The following ZNF705G variants were observed in gnomAD, a reference collection of about 807,000 sequenced individuals.
The protein encoded by ZNF705G is putative zinc finger protein 705G.
In ZNF705G, 23 loss-of-function variants were observed where a neutral mutation model predicts 19.6. The observed-to-expected ratio is 1.17, with a 90% CI of 0.84 to 1.66. The LOEUF (loss-of-function observed/expected upper bound fraction) is 1.66. ZNF705G is among the 40% of genes most tolerant of loss of function. ZNF705G has a pLI of 0.00. For missense variants in ZNF705G, 457 were observed against 354.4 expected (o/e 1.29, Z -2.32); for synonymous variants, 146 against 117.7 (o/e 1.24, Z -1.56).
chr8:7,361,975 G>A (rs1159743393), intron 3 of ZNF705G, among the ~76,000 whole-genome samples: 14 of 149,752 alleles, frequency 9.3e-5, no homozygotes, highest in Middle Eastern at 3.4e-3. Context: ...CGCTGAGGCT[G>A]CTATACTGAG....
intron 2 of ZNF705G, among the ~76,000 whole-genome samples, chr8:7,363,893 C>T (rs1806721977): frequency 6.7e-6 from 1 of 149,418 alleles, no homozygotes; most frequent in Non-Finnish European, 1.5e-5. Context: ...TCAACACTCC[C>T]ATCCTGCTAA....
At chr8:7,361,263 A>C in intron 3 of ZNF705G, 27 bp from the exon 4 acceptor site, 1 of 1,592,616 alleles carries the variant, frequency 6.3e-7, no homozygotes. Flanking sequence ...ATTTTAGTTT[A>C]GACAGAGAAA....
intron 2 of ZNF705G, among the ~76,000 whole-genome samples, chr8:7,365,649 C>G (rs763459454): frequency 1.3e-5 from 2 of 149,386 alleles, no homozygotes; most frequent in Non-Finnish European, 2.9e-5. Flanking sequence ...GGATTACAGG[C>G]GTGAGCCACC....
At chr8:7,379,035 G>A (rs1807368640) in intron 2 of ZNF705G, among the ~76,000 whole-genome samples, 1 of 150,516 alleles carries the variant, frequency 6.6e-6, no homozygotes, top group Non-Finnish European at 1.5e-5. Context: ...TGTGTGAAGA[G>A]ATTCTCATTC....
At position 7,364,861 on chromosome 8, in the gene ZNF705G, G is replaced by A. The variant is rs1010846333; in HGVS notation, c.-71-1844C>T. On this transcript the variant is annotated intron_variant, in intron 2 of 6. Coordinates refer to ENST00000400156, the MANE Select transcript of ZNF705G (RefSeq NM_001164457.3). ...ATGTATTATGTAGTCTATAATTCAAGCAGAACAGCTATTCCTTCAAAAAAA... is the reference window on the plus strand; with the variant it reads ...ATGTATTATGTAGTCTATAATTCAAACAGAACAGCTATTCCTTCAAAAAAA... Among the ~76,000 whole-genome samples, 4 of 149,440 alleles carry A rather than the reference G, an allele frequency of 2.7e-5. 1 individual carries two copies. Among genetic ancestry groups the A allele is most frequent in the African/African-American group, 1.0e-4 (4 of 38,870 alleles).
rs1806338375 is a variant in ZNF705G at position 7,357,703 on chromosome 8, G to C, written c.*273C>G. On this transcript the variant is annotated 3_prime_UTR_variant, in exon 7 of 7. Transcript: ENST00000400156. ...TGTGGACTGAAGAATAAAGGTAACT[G>C]AAGTATCTTCCATGTTGATTACAGT... The C allele has an allele frequency of 3.4e-6, 2 of 591,754 alleles. No homozygotes were observed. Among genetic ancestry groups the C allele is most frequent in the South Asian group, 4.4e-5 (2 of 45,214 alleles). 36.7% of individuals were successfully genotyped at this position (591,754 alleles called of 1,614,324 possible). A position where few individuals can be genotyped will look rare whatever the true frequency, so the allele number is the denominator to read the frequency against.
At chr8:7,363,532 G>A (rs1223217601) in intron 2 of ZNF705G, among the ~76,000 whole-genome samples, 1 of 149,758 alleles carries the variant, frequency 6.7e-6, no homozygotes, top group Non-Finnish European at 1.5e-5. Flanking sequence ...GTAAGAATCT[G>A]TTTTAGGGTG....
At chr8:7,363,364 A>G (rs1442544539) in intron 2 of ZNF705G, among the ~76,000 whole-genome samples, 2 of 148,196 alleles carry the variant, frequency 1.3e-5, no homozygotes, top group Non-Finnish European at 2.9e-5. Flanking sequence ...ATTTCCACCT[A>G]TAGATAAACA....
chr8:7,361,511 C>T (rs2128836871), intron 3 of ZNF705G, among the ~76,000 whole-genome samples: 1 of 149,722 alleles, frequency 6.7e-6, no homozygotes, highest in African/African-American at 2.6e-5. Context: ...TGTTAATCAC[C>T]TCTACATAAC....
intron 1 of ZNF705G, among the ~76,000 whole-genome samples, chr8:7,382,924 T>G (rs1399419514): frequency 6.8e-6 from 1 of 147,346 alleles, no homozygotes; most frequent in Non-Finnish European, 1.5e-5. Context: ...TAGGTAGTTT[T>G]GTATTCCTAG....
intron 2 of ZNF705G, among the ~76,000 whole-genome samples, chr8:7,368,993 T>C (rs920097858): frequency 6.7e-6 from 1 of 149,620 alleles, no homozygotes; most frequent in African/African-American, 2.6e-5. Flanking sequence ...GGACTTACAG[T>C]TCCACATGGC....
intron 3 of ZNF705G, 117 bp downstream of exon 3, chr8:7,362,818 T>G (rs960640492): frequency 2.5e-6 from 4 of 1,585,428 alleles, no homozygotes; most frequent in Non-Finnish European, 3.4e-6. Flanking sequence ...TTTTACATCA[T>G]AAAAACAAAC....
rs761613057 is a variant in ZNF705G at position 7,358,334 on chromosome 8, G to C, written c.545C>G (p.Thr182Ser). The C allele has an allele frequency of 2.2e-5, 35 of 1,607,634 alleles. No individual in the cohort carries two copies. In the East Asian group the frequency reaches 7.4e-4, roughly 34 times the overall value. Reference sequence around the variant, plus strand: ...GTGCCGTCTAAGGTGAAAGCAATTAGTATAGGCCTTTTCACATAGATTACA... The same window carrying C: ...GTGCCGTCTAAGGTGAAAGCAATTACTATAGGCCTTTTCACATAGATTACA... ...YQCNLCEKAYTNCFHLRRHKM... is the reference protein window; with the variant it reads ...YQCNLCEKAYSNCFHLRRHKM... Residue 182 changes from threonine (T) to serine (S), a missense_variant, in exon 7 of 7, where the codon ACT becomes AGT. By Grantham distance (58) the Thr-to-Ser change is moderately conservative (BLOSUM62 1). Transcript: ENST00000400156.
In ZNF705G at chr8:7,363,828, A is replaced by G. The variant is rs1301747343; in HGVS notation, c.-71-811T>C. 2.7e-5 allele frequency among the ~76,000 whole-genome samples: 4 copies of G among 149,382 alleles called. No homozygotes were observed. In the East Asian group the frequency reaches 7.7e-4, roughly 29 times the overall value. ...AGAGCGAGACTCTGTCTCAAAAAAA[A>G]AAATCTGTTTTAGGATGGGGATAAT... On this transcript the variant is annotated intron_variant, in intron 2 of 6. Coordinates refer to ENST00000400156, the MANE Select transcript of ZNF705G (RefSeq NM_001164457.3).
intron 3 of ZNF705G, among the ~76,000 whole-genome samples, chr8:7,361,919 T>TGGAGA (rs1240815212): frequency 1.3e-5 from 2 of 149,540 alleles, no homozygotes; most frequent in Non-Finnish European, 2.9e-5. Flanking sequence ...ATAATTCAGG[T>TGGAGA]ATTCATGACA....
chr8:7,360,276 A>G lies in ZNF705G; in HGVS notation c.196T>C (p.Trp66Arg), dbSNP rs1806513837. ...TGAAGAAATACTCTTCCTTCCCTCC[A>G]CAGCTCTTTTCCTTGCTCCAGCTGC... is the stretch of plus-strand genomic sequence containing the variant. ...ILQLEQGKEL[W>R]REGRVFLQDQ... Residue 66 changes from tryptophan (W) to arginine (R), a missense_variant, in exon 5 of 7, where the codon TGG becomes CGG. Physicochemically the swap from Trp to Arg is moderately radical, Grantham distance 101. Transcript: ENST00000400156. 2 of 1,591,670 alleles carry G rather than the reference A, an allele frequency of 1.3e-6. No homozygotes were observed. The highest frequency in any genetic ancestry group is 1.4e-5 in the African/African-American group (1 of 70,384).
intron 2 of ZNF705G, among the ~76,000 whole-genome samples, chr8:7,368,707 G>C (rs552509563): frequency 4.7e-5 from 7 of 149,770 alleles, no homozygotes; most frequent in Non-Finnish European, 8.8e-5. Flanking sequence ...TCTCCTCAAA[G>C]GCCTGGAGGC....
Position 7,360,630 on chromosome 8 carries a change from G to A in ZNF705G, c.140-298C>T, listed in dbSNP as rs564336898. Among the ~76,000 whole-genome samples, 12 of 149,494 alleles carry A rather than the reference G, an allele frequency of 8.0e-5. No individual in the cohort carries two copies. The East Asian group carries it at 1.9e-3, about 24-fold the overall frequency. On this transcript the variant is annotated intron_variant, in intron 4 of 6. Transcript: ENST00000400156. ...AATACACAATCTTTTCAGAAAGAGA[G>A]TAATTATATCTCTGCACAGTGTGTT...
At chr8:7,385,089 T>A (rs2719515) in intron 1 of ZNF705G, among the ~76,000 whole-genome samples, 1 of 147,454 alleles carries the variant, frequency 6.8e-6, no homozygotes, top group Admixed American at 6.6e-5. Context: ...TTGACAGCAA[T>A]AGAGCTTGAG....
Sources: allele counts gnomAD v4.1 joint callset (sites outside exome capture counted in the v4.1 genomes callset), GRCh38; gene constraint gnomAD v4.1.1; transcripts MANE v1.5; gene names NCBI Gene and HGNC (gene_info 2026-07-23, HGNC 2026-07-21).